ESR1: variants seen among roughly 807,000 people sequenced by gnomAD.
The protein encoded by ESR1 is estrogen receptor.
In ESR1, 12 loss-of-function variants were observed where a neutral mutation model predicts 52.7. The observed-to-expected ratio is 0.23, with a 90% CI of 0.15 to 0.37. The LOEUF (loss-of-function observed/expected upper bound fraction) is 0.37. ESR1 is among the 10% of genes least tolerant of loss of function. The pLI, the probability that ESR1 is intolerant of heterozygous loss-of-function variation, is 1.00. For missense variants in ESR1, 584 were observed against 779.7 expected (o/e 0.75, Z 2.99); for synonymous variants, 305 against 316.8 (o/e 0.96, Z 0.39).
intron 5 of ESR1, among the ~76,000 whole-genome samples, chr6:152,059,350 A>AGACAT (rs1438166338): frequency 1.3e-5 from 2 of 151,994 alleles, no homozygotes; most frequent in African/African-American, 4.8e-5. Flanking sequence ...TTTAAAAGCA[A>AGACAT]GACATAATGT....
chr6:151,824,738 G>A (rs985619352), intron 1 of ESR1, among the ~76,000 whole-genome samples: 3 of 152,094 alleles, frequency 2.0e-5, no homozygotes, highest in African/African-American at 7.2e-5. Flanking sequence ...TGGCTAACAT[G>A]ATGAAACCTC....
upstream of ESR1, among the ~76,000 whole-genome samples, chr6:151,686,099 G>A (rs1778661549): frequency 1.7e-5 from 2 of 120,170 alleles, no homozygotes; most frequent in African/African-American, 5.8e-5. Flanking sequence ...ATTTAGAGAC[G>A]GGGTCTTTCT....
In ESR1 at chr6:151,781,521, A is replaced by G. The variant is rs149888897; in HGVS notation, c.-70-26322A>G. 1.2e-4 allele frequency among the ~76,000 whole-genome samples: 18 copies of G among 152,380 alleles called. No individual in the cohort carries two copies. In the East Asian group the frequency reaches 3.5e-3, roughly 29 times the overall value. ...AAATTCAAACCATAGCACTGAAGTT[A>G]TACAACTAGTTAAGAAGAGAGAACC... is the stretch of plus-strand genomic sequence containing the variant. On this transcript the variant is annotated intron_variant, in intron 2 of 2. Transcript: ENST00000404742.
intron 4 of ESR1, 101 bp from the exon 5 acceptor site, chr6:152,011,555 T>G: frequency 7.6e-7 from 1 of 1,322,334 alleles, no homozygotes; most frequent in Non-Finnish European, 1.1e-6. Context: ...CTCCATCTAG[T>G]AGAAAATAGA....
intron 6 of ESR1, among the ~76,000 whole-genome samples, chr6:152,108,339 AG>A (rs1329293176): frequency 6.6e-6 from 1 of 152,260 alleles, no homozygotes; most frequent in Non-Finnish European, 1.5e-5. Context: ...GGGTGGGAGC[AG>A]CCCCAGGCAA....
intron 4 of ESR1, among the ~76,000 whole-genome samples, chr6:151,984,371 G>A (rs1227547458): frequency 2.0e-5 from 3 of 151,992 alleles, no homozygotes; most frequent in African/African-American, 4.8e-5. Flanking sequence ...CCATTTAAAC[G>A]CAACTATGAG....
chr6:151,850,063 T>TATATGCATATAAAATA (rs1491159640), intron 2 of ESR1, among the ~76,000 whole-genome samples: 1 of 117,052 alleles, frequency 8.5e-6, no homozygotes, highest in African/African-American at 3.8e-5. Context: ...TATATAATTT[T>TATATGCATATAAAATA]ATATATATAT....
chr6:151,914,609 G>A (rs1798759569), intron 3 of ESR1, among the ~76,000 whole-genome samples: 2 of 152,162 alleles, frequency 1.3e-5, no homozygotes, highest in South Asian at 4.1e-4. Flanking sequence ...AGGAAGTATA[G>A]CAGAAAAAAG....
intron 1 of ESR1, among the ~76,000 whole-genome samples, chr6:151,680,309 G>T (rs541160618): frequency 2.0e-5 from 3 of 150,656 alleles, no homozygotes; most frequent in Admixed American, 6.7e-5. Context: ...GTTCAAGTGA[G>T]TCTCCTGCCT....
chr6:151,729,014 T>C (rs995165073), intron 2 of ESR1, among the ~76,000 whole-genome samples: 33 of 152,364 alleles, frequency 2.2e-4, no homozygotes, highest in African/African-American at 7.7e-4. Context: ...CCACAACCAC[T>C]GTGCTCTCCT....
At chr6:151,740,026 T>A (rs1433276548) in intron 2 of ESR1, among the ~76,000 whole-genome samples, 5 of 152,236 alleles carry the variant, frequency 3.3e-5, no homozygotes, top group African/African-American at 1.2e-4. Context: ...CACTTTAGAC[T>A]TATGCCTGTA....
At chr6:152,121,041 C>G (rs1353138081) in intron 6 of ESR1, among the ~76,000 whole-genome samples, 1 of 152,162 alleles carries the variant, frequency 6.6e-6, no homozygotes, top group Non-Finnish European at 1.5e-5. Context: ...GCAATTACTG[C>G]CATGCAGGAA....
intron 2 of ESR1, among the ~76,000 whole-genome samples, chr6:151,789,954 G>C (rs942797540): frequency 2.0e-5 from 3 of 152,180 alleles, no homozygotes; most frequent in African/African-American, 7.2e-5. Flanking sequence ...GGCGTGAGTT[G>C]TTGTTGTGTT....
At chr6:151,956,884 T>A (rs1434157529) in intron 4 of ESR1, among the ~76,000 whole-genome samples, 46 of 139,266 alleles carry the variant, frequency 3.3e-4, no homozygotes, top group Admixed American at 7.2e-4. Flanking sequence ...ATATATAAAA[T>A]TTTTTTTTTT....
chr6:151,873,854 AAAT>A (rs1259477275), intron 2 of ESR1, among the ~76,000 whole-genome samples: 5 of 152,254 alleles, frequency 3.3e-5, no homozygotes, highest in Non-Finnish European at 1.5e-5. Context: ...GGATGCTTCA[AAAT>A]GTGATAAACC....
At chr6:151,849,321 A>G (rs1785836762) in intron 2 of ESR1, among the ~76,000 whole-genome samples, 1 of 152,156 alleles carries the variant, frequency 6.6e-6, no homozygotes, top group Admixed American at 6.6e-5. Context: ...GCACGTCCCT[A>G]CTAAATAGTA....
Position 151,914,961 on chromosome 6 carries a change from C to T in ESR1, c.761-29212C>T, listed in dbSNP as rs140721004. Among the ~76,000 whole-genome samples, 73 of 152,192 alleles carry T rather than the reference C, an allele frequency of 4.8e-4. 1 individual carries two copies. The East Asian group carries it at 7.5e-3, about 16-fold the overall frequency. ...ACTTGCCTTTCACTTCCTATACCAA[C>T]GGAAATTTTGGTAACAAATTTAAAG... On this transcript the variant is annotated intron_variant, in intron 3 of 7. Coordinates refer to ENST00000206249, the MANE Select transcript of ESR1 (RefSeq NM_000125.4).
At chr6:151,706,188 C>T (rs1389606014) in intron 2 of ESR1, among the ~76,000 whole-genome samples, 1 of 152,244 alleles carries the variant, frequency 6.6e-6, no homozygotes, top group Non-Finnish European at 1.5e-5. Context: ...TTGCGACATT[C>T]AGCCATTGCT....
intron 4 of ESR1, among the ~76,000 whole-genome samples, chr6:151,998,176 C>T (rs9340950): frequency 3.7e-4 from 57 of 152,162 alleles, no homozygotes; most frequent in African/African-American, 1.4e-3. Flanking sequence ...TAGGACTGTT[C>T]TTAAATTTTT....
Sources: gnomAD v4.1 joint callset for allele counts (sites outside exome capture counted in the v4.1 genomes callset) on GRCh38, gnomAD v4.1.1 for gene constraint, MANE v1.5 for transcripts, NCBI Gene and HGNC (gene_info 2026-07-23, HGNC 2026-07-21) for gene names.